EPS15L1: variants seen among roughly 807,000 people sequenced by gnomAD.
EPS15L1 encodes epidermal growth factor receptor substrate 15-like 1.
Under a neutral mutation model 117.1 loss-of-function variants are expected in EPS15L1, and 43 were observed. That is an observed-to-expected ratio of 0.37 (90% CI 0.29 to 0.47). The LOEUF (loss-of-function observed/expected upper bound fraction) is 0.47, where lower values mean the gene tolerates loss of function less well. EPS15L1 is among the 20% of genes least tolerant of loss of function. The pLI, the probability that EPS15L1 is intolerant of heterozygous loss-of-function variation, is 0.99. For missense variants in EPS15L1, 981 were observed against 1,164.0 expected, an observed-to-expected ratio of 0.84 and a Z score of 2.29; for synonymous variants, 459 against 470.5, an observed-to-expected ratio of 0.98 and a Z score of 0.32.
intron 1 of EPS15L1, among the ~76,000 whole-genome samples, chr19:16,448,048 G>C (rs1482429578): frequency 6.6e-6 from 1 of 152,142 alleles, no homozygotes; most frequent in Admixed American, 6.6e-5. Context: ...GCATCCATAG[G>C]AAAAACATGG....
At chr19:16,385,072 T>C (rs1489761810) in intron 21 of EPS15L1, 57 bp downstream of exon 21, 2 of 1,372,512 alleles carry the variant, frequency 1.5e-6, no homozygotes, top group Non-Finnish European at 2.1e-6. Context: ...GCCCACACCA[T>C]GACAAGAGGC....
chr19:16,455,972 G>A (rs924235197), intron 1 of EPS15L1, among the ~76,000 whole-genome samples: 3 of 152,194 alleles, frequency 2.0e-5, no homozygotes, highest in South Asian at 2.1e-4. Context: ...AGACCAAGAC[G>A]GGTGGATCAC....
intron 16 of EPS15L1, chr19:16,401,508 C>A: frequency 1.0e-6 from 1 of 985,736 alleles, no homozygotes; most frequent in Non-Finnish European, 1.2e-6. Flanking sequence ...AGCAGAGCAC[C>A]AAGGAAACAT....
intron 19 of EPS15L1, among the ~76,000 whole-genome samples, chr19:16,389,807 A>G (rs2144761641): frequency 6.6e-6 from 1 of 152,310 alleles, no homozygotes; most frequent in Non-Finnish European, 1.5e-5. Context: ...ACATGAGATA[A>G]TACAATACTA....
intron 21 of EPS15L1, among the ~76,000 whole-genome samples, chr19:16,382,384 T>A (rs1407201532): frequency 6.6e-6 from 1 of 152,192 alleles, no homozygotes; most frequent in Non-Finnish European, 1.5e-5. Context: ...TCAGTAAAGC[T>A]GTCAGGGGCT....
At chr19:16,425,991 C>A (rs759111850) in intron 8 of EPS15L1, among the ~76,000 whole-genome samples, 1 of 152,124 alleles carries the variant, frequency 6.6e-6, no homozygotes, top group African/African-American at 2.4e-5. Flanking sequence ...CAGATTAAGG[C>A]GAGACTCATC....
chr19:16,390,363 C>T (rs1265345294), intron 19 of EPS15L1, among the ~76,000 whole-genome samples: 1 of 152,100 alleles, frequency 6.6e-6, no homozygotes, highest in Non-Finnish European at 1.5e-5. Flanking sequence ...ATACACAAAG[C>T]AAAACTTGAT....
intron 13 of EPS15L1, chr19:16,412,960 A>G (rs571514561): frequency 2.4e-5 from 16 of 668,318 alleles, no homozygotes; most frequent in African/African-American, 2.1e-4. Context: ...CCGCCCATCA[A>G]GGAATCTGAG....
At chr19:16,413,205 G>A in intron 13 of EPS15L1, 1 of 648,594 alleles carries the variant, frequency 1.5e-6, no homozygotes, top group Non-Finnish European at 2.8e-6. Flanking sequence ...AGGCTACTGG[G>A]GGAACAAGAT....
chr19:16,466,869 CTCCA>C, intron 1 of EPS15L1, among the ~76,000 whole-genome samples: 2 of 150,790 alleles, frequency 1.3e-5, no homozygotes, highest in South Asian at 4.2e-4. Flanking sequence ...CGCCATTGCA[CTCCA>C]TCCTGGGTGA....
chr19:16,420,365 A>G (rs1332106128), intron 10 of EPS15L1, among the ~76,000 whole-genome samples: 1 of 152,200 alleles, frequency 6.6e-6, no homozygotes, highest in Non-Finnish European at 1.5e-5. Context: ...CTAACCAGGA[A>G]CTGTATGTGT....
At position 16,404,073 on chromosome 19, in the gene EPS15L1, C is replaced by A; in HGVS notation, c.1429-143G>T. 1.4e-6 allele frequency: 1 copy of A among 709,528 alleles called. No individual in the cohort carries two copies. The highest frequency in any genetic ancestry group is 2.3e-6 in the Non-Finnish European group (1 of 425,736). 44.0% of individuals were successfully genotyped at this position (709,528 alleles called of 1,614,324 possible). A position where few individuals can be genotyped will look rare whatever the true frequency, so the allele number is the denominator to read the frequency against. On this transcript the variant is annotated intron_variant, in intron 14 of 23. Coordinates refer to ENST00000455140, the MANE Select transcript of EPS15L1 (RefSeq NM_001258374.3). The surrounding 1 kb of genome is among the most constrained non-coding windows in gnomAD (Gnocchi z 4.2). ...TAACCCAGGCCCGACACCTGGCTTC[C>A]TTACAGGCCTCTTTCTACACCCAAA...
intron 10 of EPS15L1, among the ~76,000 whole-genome samples, chr19:16,419,316 G>A (rs370694875): frequency 1.1e-4 from 16 of 152,252 alleles, no homozygotes; most frequent in South Asian, 4.1e-4. Flanking sequence ...AAAATTAGCC[G>A]GGCATGGTGG....
intron 7 of EPS15L1, among the ~76,000 whole-genome samples, chr19:16,429,470 C>A (rs1162270667): frequency 1.3e-5 from 2 of 152,198 alleles, no homozygotes; most frequent in African/African-American, 4.8e-5. Flanking sequence ...GTCAGCATCA[C>A]CTCTCTCCAG....
intron 16 of EPS15L1, 168 bp downstream of exon 16, chr19:16,402,153 G>A: frequency 7.2e-7 from 1 of 1,388,374 alleles, no homozygotes; most frequent in South Asian, 1.7e-5. Context: ...CCTGTGCCAG[G>A]CTGCAAGGCC....
At chr19:16,428,590 AAAG>A in intron 8 of EPS15L1, 109 bp downstream of exon 8, 1 of 702,676 alleles carries the variant, frequency 1.4e-6, no homozygotes. Flanking sequence ...AAAGAAAAGA[AAAG>A]AAAAGAAAAA....
Position 16,379,725 on chromosome 19 carries a change from C to T in EPS15L1, c.2248-2471G>A, listed in dbSNP as rs537916212. 5.3e-5 allele frequency among the ~76,000 whole-genome samples: 8 copies of T among 152,224 alleles called. No individual in the cohort carries two copies. The South Asian group carries it at 8.3e-4, about 16-fold the overall frequency. On this transcript the variant is annotated intron_variant, in intron 21 of 23. Transcript: ENST00000455140. ...CCAATGCAACCATCTAAGGCTCCAGCGTCTAGTCACACAGACGTGGCCGTC... is the reference window on the plus strand; with the variant it reads ...CCAATGCAACCATCTAAGGCTCCAGTGTCTAGTCACACAGACGTGGCCGTC...
Position 16,386,270 on chromosome 19 carries a change from G to A in EPS15L1, c.2104-39C>T, listed in dbSNP as rs201989047. 647 of 1,537,706 alleles carry A rather than the reference G, an allele frequency of 4.2e-4. 3 individuals are homozygous for A. Among genetic ancestry groups the A allele is most frequent in the South Asian group, 9.3e-4 (81 of 87,192 alleles). On this transcript the variant is annotated intron_variant, in intron 19 of 23. Coordinates refer to ENST00000455140, the MANE Select transcript of EPS15L1 (RefSeq NM_001258374.3). ...GAGAGGAAAGAGTAAAAAGCAGTTCGTTGGTTCCATCACCCATTCATTCAA... is the reference window on the plus strand; with the variant it reads ...GAGAGGAAAGAGTAAAAAGCAGTTCATTGGTTCCATCACCCATTCATTCAA...
At chr19:16,378,437 G>A (rs1107956) in intron 21 of EPS15L1, among the ~76,000 whole-genome samples, 11 of 151,906 alleles carry the variant, frequency 7.2e-5, no homozygotes, top group Admixed American at 1.3e-4. Context: ...GGCCCACCTC[G>A]TCCACCAGGA....
Sources: allele counts gnomAD v4.1 joint callset (sites outside exome capture counted in the v4.1 genomes callset), GRCh38; gene constraint gnomAD v4.1.1; non-coding constraint Gnocchi (gnomAD v3.1); transcripts MANE v1.5; gene names NCBI Gene and HGNC (gene_info 2026-07-23, HGNC 2026-07-21).